RBFOX1: variants seen among roughly 807,000 people sequenced by gnomAD.
The protein encoded by RBFOX1 is RNA binding fox-1 homolog 1, also known as RNA binding protein fox-1 homolog 1.
A neutral mutation model predicts 57.7 loss-of-function variants in RBFOX1; 8 were observed. The observed-to-expected ratio is 0.14, with a 90% CI of 0.08 to 0.25. The LOEUF (loss-of-function observed/expected upper bound fraction) is 0.25, where lower values mean the gene tolerates loss of function less well. Among genes scored for constraint, RBFOX1 ranks in the 10% least tolerant of loss-of-function variants. The pLI is 1.00. For missense variants in RBFOX1, 611 were observed against 548.5 expected (o/e 1.11, Z -1.14); for synonymous variants, 326 against 222.4 (o/e 1.47, Z -4.15).
At chr16:6,787,089 A>G (rs568427306) in intron 3 of RBFOX1, among the ~76,000 whole-genome samples, 4 of 152,142 alleles carry the variant, frequency 2.6e-5, no homozygotes, top group Admixed American at 2.0e-4. Flanking sequence ...TCCCTCATAG[A>G]TTGTACCTTC....
At chr16:7,320,903 C>T (rs761856395) in intron 4 of RBFOX1, among the ~76,000 whole-genome samples, 10 of 152,098 alleles carry the variant, frequency 6.6e-5, no homozygotes, top group Non-Finnish European at 1.3e-4. Context: ...AAGTAACTTG[C>T]CCAGGGAAAA....
chr16:7,299,970 G>C (rs917173606), intron 4 of RBFOX1, among the ~76,000 whole-genome samples: 1 of 152,220 alleles, frequency 6.6e-6, no homozygotes, highest in Non-Finnish European at 1.5e-5. Context: ...GGGACCATCT[G>C]TATTAAACAA....
chr16:7,275,766 C>A (rs1008574120), intron 4 of RBFOX1, among the ~76,000 whole-genome samples: 6 of 152,170 alleles, frequency 3.9e-5, no homozygotes, highest in African/African-American at 1.4e-4. Flanking sequence ...CACTTTGTGA[C>A]CTTCAGGCTT....
intron 3 of RBFOX1, among the ~76,000 whole-genome samples, chr16:5,817,108 G>A (rs1597367773): frequency 6.6e-6 from 1 of 152,088 alleles, no homozygotes; most frequent in Non-Finnish European, 1.5e-5. Flanking sequence ...CCCCTTTCCT[G>A]TACATCTTCC....
At chr16:6,908,189 C>T (rs531511301) in intron 3 of RBFOX1, among the ~76,000 whole-genome samples, 2 of 151,834 alleles carry the variant, frequency 1.3e-5, no homozygotes, top group South Asian at 2.1e-4. Flanking sequence ...CCGTGCAGTT[C>T]AGATTATTAC....
At chr16:6,523,411 A>C (rs2096535889) in intron 2 of RBFOX1, among the ~76,000 whole-genome samples, 2 of 152,122 alleles carry the variant, frequency 1.3e-5, no homozygotes, top group Non-Finnish European at 2.9e-5. Flanking sequence ...GAACTTGGCA[A>C]TGTTAACGGT....
chr16:5,842,058 G>C lies in RBFOX1; in HGVS notation c.319-25245G>C, dbSNP rs148726104. Among the ~76,000 whole-genome samples, 1,343 of 152,264 alleles carry C rather than the reference G, an allele frequency of 8.8e-3. 16 individuals are homozygous for C. The highest frequency in any genetic ancestry group is 0.054 in the Middle Eastern group (16 of 294). ...AGGCTTCTTCTGCCTGCAGGTAGAT[G>C]GTGAATCTCTGCCCTGAATCATGGA... On this transcript the variant is annotated intron_variant, in intron 3 of 19. Transcript: ENST00000641259.
intron 3 of RBFOX1, among the ~76,000 whole-genome samples, chr16:6,992,176 T>TG (rs2091584398): frequency 6.6e-6 from 1 of 151,734 alleles, no homozygotes; most frequent in Non-Finnish European, 1.5e-5. Context: ...ATTTTTTGTT[T>TG]TTTTTGAGAT....
intron 2 of RBFOX1, among the ~76,000 whole-genome samples, chr16:6,518,909 T>G (rs1480641981): frequency 6.6e-6 from 1 of 151,972 alleles, no homozygotes; most frequent in Non-Finnish European, 1.5e-5. Flanking sequence ...AAAGCAGGGA[T>G]AGCATTTGGT....
intron 2 of RBFOX1, among the ~76,000 whole-genome samples, chr16:6,396,415 G>A (rs1335356372): frequency 6.6e-6 from 1 of 152,140 alleles, no homozygotes; most frequent in Non-Finnish European, 1.5e-5. Context: ...TAGTTAGAAA[G>A]TATCAATGAA....
intron 1 of RBFOX1, among the ~76,000 whole-genome samples, chr16:5,242,620 G>C (rs570665350): frequency 2.6e-5 from 4 of 152,206 alleles, no homozygotes; most frequent in Admixed American, 2.0e-4. Flanking sequence ...AAGAAGAACA[G>C]AGTGCCCTTT....
chr16:7,154,729 G>A (rs1459795089), intron 4 of RBFOX1, among the ~76,000 whole-genome samples: 1 of 111,348 alleles, frequency 9.0e-6, no homozygotes, highest in Non-Finnish European at 1.9e-5. Context: ...GTGTGTGTGT[G>A]TGTGAATATT....
At chr16:6,169,837 T>TCAGTGCAAC (rs1555534308) in intron 1 of RBFOX1, among the ~76,000 whole-genome samples, 2 of 151,494 alleles carry the variant, frequency 1.3e-5, no homozygotes, top group Admixed American at 1.3e-4. Flanking sequence ...CAATCTCAGC[T>TCAGTGCAAC]CACTGCAACC....
chr16:7,587,517 A>G (rs1482480195), intron 7 of RBFOX1, among the ~76,000 whole-genome samples: 1 of 152,206 alleles, frequency 6.6e-6, no homozygotes, highest in African/African-American at 2.4e-5. Context: ...TGTTTTATAT[A>G]TATATCAAGT....
intron 1 of RBFOX1, among the ~76,000 whole-genome samples, chr16:6,256,161 A>ATATATATATT (rs2097660986): frequency 6.7e-5 from 1 of 14,952 alleles, no homozygotes; most frequent in Non-Finnish European, 1.8e-4. Context: ...ATATATATGT[A>ATATATATATT]TATATATATG....
rs1603046673 is a variant in RBFOX1, at chr16:6,656,631, C to T, written c.-16+1981C>T. On this transcript the variant is annotated intron_variant, in intron 3 of 15. Transcript: ENST00000550418. Reference sequence around the variant, plus strand: ...ACACACACACACACACACACACACACTTCTAGTTTTTTCATAAATTGTTGG... The same window carrying T: ...ACACACACACACACACACACACACATTTCTAGTTTTTTCATAAATTGTTGG... 2.0e-5 allele frequency among the ~76,000 whole-genome samples: 3 copies of T among 150,362 alleles called. No individual in the cohort carries two copies. The South Asian group carries it at 6.4e-4, about 32-fold the overall frequency.
At chr16:7,112,890 A>G (rs1176613602) in intron 4 of RBFOX1, among the ~76,000 whole-genome samples, 1 of 152,124 alleles carries the variant, frequency 6.6e-6, no homozygotes, top group Non-Finnish European at 1.5e-5. Flanking sequence ...CTATAATGCT[A>G]CTTACCTAAT....
chr16:5,617,278 G>C (rs1011488), intron 3 of RBFOX1, among the ~76,000 whole-genome samples: 100,463 of 152,104 alleles, frequency 0.66, 37,963 homozygotes, highest in Non-Finnish European at 0.86. Context: ...CATTCACTTT[G>C]AAGACTCAGG....
At chr16:6,286,304 G>A (rs2076902618) in intron 1 of RBFOX1, among the ~76,000 whole-genome samples, 1 of 152,170 alleles carries the variant, frequency 6.6e-6, no homozygotes, top group South Asian at 2.1e-4. Context: ...CCCAGACAGT[G>A]AGAAATGCAG....
Sources: allele counts gnomAD v4.1 joint callset (sites outside exome capture counted in the v4.1 genomes callset), GRCh38; gene constraint gnomAD v4.1.1; transcripts MANE v1.5; gene names NCBI Gene and HGNC (gene_info 2026-07-23, HGNC 2026-07-21).